The following ANKS1B variants were observed in gnomAD, a reference collection of about 807,000 sequenced individuals.
ANKS1B encodes ankyrin repeat and sterile alpha motif domain-containing protein 1B.
Under a neutral mutation model 148.3 loss-of-function variants are expected in ANKS1B, and 36 were observed. The ratio of observed to expected loss-of-function variants is 0.24; its 90% CI spans 0.19 to 0.32. ANKS1B has a LOEUF of 0.32. Ranked by LOEUF, ANKS1B falls within the 10% of genes least tolerant of loss-of-function variation. The probability of loss-of-function intolerance (pLI) is 1.00; values close to 1 mark genes in which losing one functional copy is unlikely to be tolerated. For missense variants in ANKS1B, 1,157 were observed against 1,542.6 expected, an observed-to-expected ratio of 0.75 and a Z score of 4.19; for synonymous variants, 542 against 560.8, an observed-to-expected ratio of 0.97 and a Z score of 0.47.
At chr12:99,960,107 TA>T (rs2095388742) in intron 1 of ANKS1B, among the ~76,000 whole-genome samples, 1 of 152,232 alleles carries the variant, frequency 6.6e-6, no homozygotes, top group Non-Finnish European at 1.5e-5. Flanking sequence ...GTGTGCTATA[TA>T]AATGCAGAAT....
intron 15 of ANKS1B, among the ~76,000 whole-genome samples, chr12:99,103,823 A>G (rs534161341): frequency 1.1e-4 from 16 of 152,334 alleles, no homozygotes; most frequent in East Asian, 1.9e-4. Context: ...AGAATTTAGG[A>G]GTTAGCTAGC....
In ANKS1B at chr12:99,647,293, C is replaced by T. The variant is rs187842319; in HGVS notation, c.1272+7774G>A. On this transcript the variant is annotated intron_variant, in intron 9 of 26. Transcript: ENST00000683438. ...TCATTTTTAGGGCTGCAGACTGTCC[C>T]GTCACAGAAGCTCCATAATTTATTT... Among the ~76,000 whole-genome samples, 582 of 152,176 alleles carry T rather than the reference C, an allele frequency of 3.8e-3. 2 individuals carry two copies. Among genetic ancestry groups the T allele is most frequent in the African/African-American group, 0.013 (554 of 41,520 alleles).
intron 12 of ANKS1B, among the ~76,000 whole-genome samples, chr12:99,310,709 G>A (rs939973968): frequency 1.3e-5 from 2 of 152,248 alleles, no homozygotes; most frequent in South Asian, 4.1e-4. Flanking sequence ...AGCTTGCCGA[G>A]TCACCCTATA....
intron 9 of ANKS1B, among the ~76,000 whole-genome samples, chr12:99,652,964 G>T (rs773971539): frequency 3.3e-5 from 5 of 152,094 alleles, no homozygotes; most frequent in Non-Finnish European, 7.4e-5. Context: ...TAATCAACTG[G>T]ATAGTTTTTT....
At chr12:99,277,132 T>C (rs2077772796) in intron 12 of ANKS1B, among the ~76,000 whole-genome samples, 1 of 152,208 alleles carries the variant, frequency 6.6e-6, no homozygotes, top group African/African-American at 2.4e-5. Context: ...CTTGTTATTT[T>C]GATGTATTAA....
chr12:99,115,521 T>C (rs866308252), intron 15 of ANKS1B, among the ~76,000 whole-genome samples: 4 of 152,184 alleles, frequency 2.6e-5, no homozygotes, highest in African/African-American at 9.6e-5. Context: ...TATTGGGTAC[T>C]AGGCTTAGTA....
chr12:99,704,952 G>C (rs1316953832), intron 8 of ANKS1B, among the ~76,000 whole-genome samples: 1 of 151,976 alleles, frequency 6.6e-6, no homozygotes, highest in Non-Finnish European at 1.5e-5. Flanking sequence ...GGAAACTACA[G>C]TAACAAAATT....
At chr12:99,591,849 T>C (rs1597695846) in intron 9 of ANKS1B, among the ~76,000 whole-genome samples, 1 of 152,168 alleles carries the variant, frequency 6.6e-6, no homozygotes, top group African/African-American at 2.4e-5. Flanking sequence ...CTTGCCCCTC[T>C]ACATAAATGG....
At chr12:99,958,806 T>G (rs1195707991) in intron 1 of ANKS1B, among the ~76,000 whole-genome samples, 1 of 152,198 alleles carries the variant, frequency 6.6e-6, no homozygotes, top group Non-Finnish European at 1.5e-5. Flanking sequence ...AGGAAAAACG[T>G]CAGGCATGGC....
intron 8 of ANKS1B, among the ~76,000 whole-genome samples, chr12:99,755,631 G>GAAT (rs2061501743): frequency 6.8e-6 from 1 of 147,162 alleles, no homozygotes; most frequent in African/African-American, 2.5e-5. Flanking sequence ...GCTGAATCTG[G>GAAT]CAGCAAATGA....
intron 9 of ANKS1B, among the ~76,000 whole-genome samples, chr12:99,553,068 TAA>T (rs1567335183): frequency 6.6e-6 from 1 of 152,236 alleles, no homozygotes. Context: ...TGTCATCATT[TAA>T]AGTTATAAAA....
At chr12:99,244,306 A>G (rs749503282) in intron 14 of ANKS1B, 36 bp downstream of exon 14, 30 of 1,466,080 alleles carry the variant, frequency 2.0e-5, no homozygotes, top group African/African-American at 4.2e-5. Flanking sequence ...CCTTAAGCAC[A>G]TTTATTCATT....
rs188239883 is a variant in ANKS1B at position 99,973,070 on chromosome 12, C to T, written c.134+11034G>A. Among the ~76,000 whole-genome samples, 338 of 152,270 alleles carry T rather than the reference C, an allele frequency of 2.2e-3. 1 individual carries two copies. Among genetic ancestry groups the T allele is most frequent in the Non-Finnish European group, 3.5e-3 (240 of 68,018 alleles). ...TACCACTCACAGAAAAAAAGATTCCCTTCAAAATATTACAGCTCAGTGGCA... is the reference window on the plus strand; with the variant it reads ...TACCACTCACAGAAAAAAAGATTCCTTTCAAAATATTACAGCTCAGTGGCA... On this transcript the variant is annotated intron_variant, in intron 1 of 26. Transcript: ENST00000683438.
At chr12:99,896,276 T>G (rs886904530) in intron 1 of ANKS1B, among the ~76,000 whole-genome samples, 1 of 151,294 alleles carries the variant, frequency 6.6e-6, no homozygotes, top group African/African-American at 2.4e-5. Context: ...CACTCTTCTA[T>G]TCTCTGTTTC....
rs2153631363 is a variant in ANKS1B at position 99,779,919 on chromosome 12, T to G, written c.799A>C (p.Lys267Gln). ...SLGRTVLDIL[K>Q]EHPSQKSLQI... ...AGAGATTTCTGAGATGGATGTTCTT[T>G]CAGAATGTCCAAGACAGTTCTACCT... The change falls in exon 6 of 27, where the codon AAA becomes CAA. Residue 267 changes from lysine (K) to glutamine (Q), a missense_variant. Around this residue, in one of 6 missense-constraint regions of ANKS1B, gnomAD observed 661 missense variants for 642.1 expected, o/e 1.03. Transcript: ENST00000683438. 1 of 1,612,636 alleles carries G rather than the reference T, an allele frequency of 6.2e-7. No homozygotes were observed. Among genetic ancestry groups the G allele is most frequent in the Non-Finnish European group, 8.5e-7 (1 of 1,179,598 alleles).
At chr12:98,818,555 C>A (rs2153655034) in intron 19 of ANKS1B, among the ~76,000 whole-genome samples, 1 of 152,256 alleles carries the variant, frequency 6.6e-6, no homozygotes, top group East Asian at 1.9e-4. Context: ...GCAATATGGG[C>A]TGTTTTACTT....
chr12:99,576,151 G>A (rs1242852330), intron 9 of ANKS1B, among the ~76,000 whole-genome samples: 3 of 152,026 alleles, frequency 2.0e-5, no homozygotes, highest in African/African-American at 7.2e-5. Flanking sequence ...AAGGGACAAA[G>A]AATGGCATTA....
intron 1 of ANKS1B, among the ~76,000 whole-genome samples, chr12:99,840,841 T>G (rs1427257377): frequency 6.6e-6 from 1 of 152,140 alleles, no homozygotes; most frequent in Non-Finnish European, 1.5e-5. Context: ...ACTAAAATAA[T>G]AAGAAGATAA....
Position 98,745,243 on chromosome 12 carries a change from T to G in ANKS1B, c.*496A>C, listed in dbSNP as rs117898822. 15,643 of 985,878 alleles carry G rather than the reference T, an allele frequency of 0.016. 148 individuals are homozygous for G. Among genetic ancestry groups the G allele is most frequent in the Non-Finnish European group, 0.018 (14,705 of 829,966 alleles). 61.1% of individuals were successfully genotyped at this position (985,878 alleles called of 1,614,324 possible). A position where few individuals can be genotyped will look rare whatever the true frequency, so the allele number is the denominator to read the frequency against. ...CGGGAGTTGTTTTTGTCCTTTTGCATTAAACGATACTCAATGATAGAATGA... is the reference window on the plus strand; with the variant it reads ...CGGGAGTTGTTTTTGTCCTTTTGCAGTAAACGATACTCAATGATAGAATGA... On this transcript the variant is annotated 3_prime_UTR_variant, in exon 27 of 27. Coordinates refer to ENST00000683438, the MANE Select transcript of ANKS1B (RefSeq NM_001352186.2).
Sources: allele counts gnomAD v4.1 joint callset (sites outside exome capture counted in the v4.1 genomes callset), GRCh38; gene constraint gnomAD v4.1.1; regional missense constraint gnomAD v4.1.1; transcripts MANE v1.5; gene names NCBI Gene and HGNC (gene_info 2026-07-23, HGNC 2026-07-21).